The following MED12L variants were observed in gnomAD, a reference collection of about 807,000 sequenced individuals.
The protein encoded by MED12L is mediator complex subunit 12L, also known as mediator of RNA polymerase II transcription subunit 12-like protein.
A neutral mutation model predicts 281.3 loss-of-function variants in MED12L; 60 were observed. That is an observed-to-expected ratio of 0.21 (90% CI 0.17 to 0.26). The LOEUF is 0.26. MED12L is among the 10% of genes least tolerant of loss of function. The probability of loss-of-function intolerance (pLI) is 1.00; values close to 1 mark genes in which losing one functional copy is unlikely to be tolerated. For synonymous variants in MED12L, 974 were observed against 987.2 expected (o/e 0.99, Z 0.25); for missense variants, 2,146 against 2,680.9 (o/e 0.80, Z 4.41).
chr3:151,367,794 GCT>G, intron 24 of MED12L, 28 bp downstream of exon 24: 1 of 1,580,660 alleles, frequency 6.3e-7, no homozygotes. Flanking sequence ...AACATCCGTT[GCT>G]CTTTGATTGT....
chr3:151,355,076 C>T, intron 17 of MED12L, 45 bp from the exon 18 acceptor site: 1 of 1,417,360 alleles, frequency 7.1e-7, no homozygotes, highest in South Asian at 1.2e-5. Context: ...ATGTCGAGAG[C>T]TTCTATTAAA....
chr3:151,418,240 T>C (rs768285799), intron 43 of MED12L, among the ~76,000 whole-genome samples: 83 of 152,210 alleles, frequency 5.5e-4, no homozygotes, highest in Non-Finnish European at 8.8e-4. Context: ...CTTTTTTTTT[T>C]CCAAAACAAA....
intron 16 of MED12L, among the ~76,000 whole-genome samples, chr3:151,288,362 G>A (rs560447437): frequency 6.6e-6 from 1 of 152,176 alleles, no homozygotes; most frequent in Non-Finnish European, 1.5e-5. Flanking sequence ...ATTTTTTCTG[G>A]TTTAATAGAC....
intron 16 of MED12L, among the ~76,000 whole-genome samples, chr3:151,272,466 G>A (rs1354755567): frequency 6.6e-6 from 1 of 152,104 alleles, no homozygotes; most frequent in Non-Finnish European, 1.5e-5. Context: ...TTCTCCAGGT[G>A]CACCAGCACA....
rs769939836 is a variant in MED12L at position 151,116,325 on chromosome 3, G to A, written c.100-13G>A. On this transcript the variant is annotated splice_polypyrimidine_tract_variant and intron_variant, in intron 2 of 44. Coordinates refer to ENST00000687756, the MANE Select transcript of MED12L (RefSeq NM_001393769.1). ...TACATCCTTCTGCTTAATCAATACCGTCTCTTGAACAGGATGAACTTACTG... is the reference window on the plus strand; with the variant it reads ...TACATCCTTCTGCTTAATCAATACCATCTCTTGAACAGGATGAACTTACTG... 71 of 1,587,598 alleles carry A rather than the reference G, an allele frequency of 4.5e-5. No homozygotes were observed. The highest frequency in any genetic ancestry group is 8.4e-5 in the Admixed American group (5 of 59,534).
At chr3:151,220,225 A>G (rs1484004584) in intron 16 of MED12L, among the ~76,000 whole-genome samples, 1 of 151,516 alleles carries the variant, frequency 6.6e-6, no homozygotes, top group African/African-American at 2.4e-5. Context: ...GATTACCACC[A>G]GTGTAATGAG....
chr3:151,148,190 A>G (rs554429544), intron 5 of MED12L, among the ~76,000 whole-genome samples: 1 of 151,964 alleles, frequency 6.6e-6, no homozygotes, highest in African/African-American at 2.4e-5. Context: ...TCCTTTGCCT[A>G]TTTTTTAACT....
intron 2 of MED12L, 105 bp from the exon 3 acceptor site, chr3:151,116,230 TCTC>T (rs900615505): frequency 5.2e-5 from 35 of 676,202 alleles, no homozygotes; most frequent in Admixed American, 4.9e-4. Flanking sequence ...TTTCAAGAGT[TCTC>T]CTCTACAGAG....
At chr3:151,327,627 G>A (rs1749789036) in intron 16 of MED12L, 1 of 158,174 alleles carries the variant, frequency 6.3e-6, no homozygotes, top group African/African-American at 2.4e-5. Context: ...GTAGTGTTAT[G>A]TGAATTGTGG....
chr3:151,245,569 AC>A (rs1460172137), intron 16 of MED12L, among the ~76,000 whole-genome samples: 2 of 149,778 alleles, frequency 1.3e-5, no homozygotes, highest in African/African-American at 2.5e-5. Flanking sequence ...AAATTCAACA[AC>A]CCTTCATGCT....
At chr3:151,389,615 G>T (rs145499553) in intron 37 of MED12L, among the ~76,000 whole-genome samples, 1 of 152,292 alleles carries the variant, frequency 6.6e-6, no homozygotes, top group Non-Finnish European at 1.5e-5. Flanking sequence ...CAAGATATTG[G>T]AAAGGCCTTC....
rs376116630 is a variant in MED12L, at chr3:151,087,842, T to C, written c.99+817T>C. 2.6e-5 allele frequency among the ~76,000 whole-genome samples: 4 copies of C among 152,316 alleles called. No individual in the cohort carries two copies. The East Asian group carries it at 5.8e-4, about 22-fold the overall frequency. ...TAATTATGTAACAAGTCTCTAGTTA[T>C]AATGATCACCTTTGGCTACACCATT... On this transcript the variant is annotated intron_variant, in intron 2 of 44. Transcript: ENST00000687756.
Position 151,376,137 on chromosome 3 carries a change from A to C in MED12L, c.3976A>C (p.Ile1326Leu), listed in dbSNP as rs1756822842. The C allele has an allele frequency of 6.2e-7, 1 of 1,611,082 alleles. No individual in the cohort carries two copies. The highest frequency in any genetic ancestry group is 2.2e-5 in the East Asian group (1 of 44,648). ...GCAAGCACAGAAATTACTGCAGCTTATCTGTTATCCTCATGGCATTAAAGA... is the reference window on the plus strand; with the variant it reads ...GCAAGCACAGAAATTACTGCAGCTTCTCTGTTATCCTCATGGCATTAAAGA... ...NMQAQKLLQLICYPHGIKECT... is the reference protein window; with the variant it reads ...NMQAQKLLQLLCYPHGIKECT... Residue 1326 changes from isoleucine to leucine, a missense_variant, in exon 28 of 45, where the codon ATC becomes CTC. Around this residue, in one of 9 missense-constraint regions of MED12L, gnomAD observed 235 missense variants for 260.3 expected, o/e 0.90. Transcript: ENST00000687756.
chr3:151,140,238 A>G (rs1716728571), intron 5 of MED12L, among the ~76,000 whole-genome samples: 1 of 152,170 alleles, frequency 6.6e-6, no homozygotes, highest in Admixed American at 6.5e-5. Flanking sequence ...AATTTTCCCT[A>G]TTTACAGACC....
At chr3:151,309,351 G>A (rs968204173) in intron 16 of MED12L, among the ~76,000 whole-genome samples, 1 of 152,028 alleles carries the variant, frequency 6.6e-6, no homozygotes, top group Non-Finnish European at 1.5e-5. Context: ...CTTAATATTT[G>A]CCACATGCAT....
chr3:151,323,744 T>G (rs868347451), intron 16 of MED12L, among the ~76,000 whole-genome samples: 3 of 152,224 alleles, frequency 2.0e-5, no homozygotes, highest in Non-Finnish European at 4.4e-5. Flanking sequence ...TCCTTACCAG[T>G]GTTCACCTTC....
intron 16 of MED12L, chr3:151,329,614 G>A: frequency 1.1e-6 from 1 of 936,906 alleles, no homozygotes; most frequent in Non-Finnish European, 1.7e-6. Flanking sequence ...TATGTAATGT[G>A]ACCCATTAGA....
intron 37 of MED12L, among the ~76,000 whole-genome samples, chr3:151,388,669 T>C (rs1713788252): frequency 6.6e-6 from 1 of 152,230 alleles, no homozygotes; most frequent in Non-Finnish European, 1.5e-5. Context: ...TACCCTCATA[T>C]ATTTTCCTTC....
At chr3:151,334,188 C>CTTTTTTT (rs1225344552) in intron 16 of MED12L, among the ~76,000 whole-genome samples, 2 of 30,312 alleles carry the variant, frequency 6.6e-5, no homozygotes, top group Admixed American at 3.5e-4. Flanking sequence ...TTTTTTCTTT[C>CTTTTTTT]TTTCTTTCTT....
Sources: allele counts gnomAD v4.1 joint callset (sites outside exome capture counted in the v4.1 genomes callset), GRCh38; gene constraint gnomAD v4.1.1; regional missense constraint gnomAD v4.1.1; transcripts MANE v1.5; gene names NCBI Gene and HGNC (gene_info 2026-07-23, HGNC 2026-07-21).